The following CNTN5 variants were observed in gnomAD, a reference collection of about 807,000 sequenced individuals.
CNTN5 encodes the protein contactin 5.
In CNTN5, 77 loss-of-function variants were observed where a neutral mutation model predicts 129.1. The ratio of observed to expected loss-of-function variants is 0.60; its 90% CI spans 0.50 to 0.72. The LOEUF (loss-of-function observed/expected upper bound fraction) is 0.72. Ranked by LOEUF, CNTN5 falls within the 30% of genes least tolerant of loss-of-function variation. The pLI is 0.00. For synonymous variants in CNTN5, 509 were observed against 465.6 expected, an observed-to-expected ratio of 1.09 and a Z score of -1.20; for missense variants, 1,478 against 1,328.8, an observed-to-expected ratio of 1.11 and a Z score of -1.75.
intron 9 of CNTN5, among the ~76,000 whole-genome samples, chr11:100,012,141 G>C (rs1940568359): frequency 6.6e-6 from 1 of 152,112 alleles, no homozygotes; most frequent in Non-Finnish European, 1.5e-5. Context: ...AAACATTTAG[G>C]CCTCACAGGA....
chr11:99,694,216 A>G (rs1292455187), intron 3 of CNTN5, among the ~76,000 whole-genome samples: 1 of 152,120 alleles, frequency 6.6e-6, no homozygotes, highest in African/African-American at 2.4e-5. Flanking sequence ...TTCGTGCTAT[A>G]CTTCAGGGCT....
intron 3 of CNTN5, among the ~76,000 whole-genome samples, chr11:99,775,001 G>A (rs1472911191): frequency 6.6e-6 from 1 of 151,994 alleles, no homozygotes; most frequent in African/African-American, 2.4e-5. Flanking sequence ...TCAGGTCTGT[G>A]GACCTGAATA....
At chr11:99,734,599 A>G (rs763214553) in intron 3 of CNTN5, among the ~76,000 whole-genome samples, 2 of 152,172 alleles carry the variant, frequency 1.3e-5, no homozygotes, top group Non-Finnish European at 2.9e-5. Flanking sequence ...TTTGCCTCAA[A>G]AACAGACTTC....
At chr11:99,825,843 A>G (rs534751481) in intron 4 of CNTN5, among the ~76,000 whole-genome samples, 47 of 152,242 alleles carry the variant, frequency 3.1e-4, no homozygotes, top group Non-Finnish European at 5.0e-4. Context: ...ACTTTCTAAA[A>G]GTAAATTTAT....
intron 2 of CNTN5, among the ~76,000 whole-genome samples, chr11:99,455,134 C>T (rs1049422622): frequency 6.6e-6 from 1 of 152,044 alleles, no homozygotes; most frequent in Non-Finnish European, 1.5e-5. Context: ...GAAGCAAATG[C>T]AAATCCTCTC....
chr11:99,569,464 C>T (rs543161955), intron 3 of CNTN5, among the ~76,000 whole-genome samples: 270 of 152,250 alleles, frequency 1.8e-3, no homozygotes, highest in Non-Finnish European at 3.3e-3. Context: ...CAGGTGTGCA[C>T]CACCATGCCT....
rs377051291 is a variant in CNTN5, at chr11:99,496,231, G to A, written c.-70-59914G>A. On this transcript the variant is annotated intron_variant, in intron 2 of 24. Transcript: ENST00000524871. ...GAGGTCACACTCTGTGAAGTTTAAC[G>A]TTTAAGTGATGTGTCAAAGACTAGG... Among the ~76,000 whole-genome samples, 7 of 152,186 alleles carry A rather than the reference G, an allele frequency of 4.6e-5. No homozygotes were observed. In the South Asian group the frequency reaches 1.0e-3, roughly 23 times the overall value.
rs185057872 is a variant in CNTN5, at chr11:99,671,721, C to A, written c.55+115452C>A. Among the ~76,000 whole-genome samples, 208 of 152,140 alleles carry A rather than the reference C, an allele frequency of 1.4e-3. 1 individual carries two copies. Among genetic ancestry groups the A allele is most frequent in the Non-Finnish European group, 1.2e-3 (79 of 67,992 alleles). On this transcript the variant is annotated intron_variant, in intron 3 of 24. Coordinates refer to ENST00000524871, the MANE Select transcript of CNTN5 (RefSeq NM_014361.4). The stretch of plus-strand genomic sequence containing the variant: ...CTCTGAAGTGTCCCACAAAATTCTT[C>A]AGAATTAATCTATTACATTTTTTGA...
chr11:100,282,107 C>A (rs1950653706), intron 18 of CNTN5, among the ~76,000 whole-genome samples: 1 of 150,812 alleles, frequency 6.6e-6, no homozygotes, highest in Admixed American at 6.6e-5. Flanking sequence ...ATATTTGGTT[C>A]ATTTGCTGAA....
chr11:99,814,459 A>G (rs1946519960), intron 3 of CNTN5, among the ~76,000 whole-genome samples: 1 of 152,212 alleles, frequency 6.6e-6, no homozygotes, highest in African/African-American at 2.4e-5. Context: ...GGAATCTCAC[A>G]AAGCCCACTG....
At chr11:99,530,185 A>C (rs1472710646) in intron 2 of CNTN5, among the ~76,000 whole-genome samples, 1 of 152,202 alleles carries the variant, frequency 6.6e-6, no homozygotes, top group Non-Finnish European at 1.5e-5. Flanking sequence ...TATGATCTTC[A>C]GATACCCTAA....
chr11:99,232,720 A>G (rs767718875), intron 1 of CNTN5, among the ~76,000 whole-genome samples: 3 of 152,194 alleles, frequency 2.0e-5, no homozygotes, highest in Non-Finnish European at 2.9e-5. Context: ...TATAATTTCA[A>G]TTAGTAATTG....
chr11:99,997,310 G>C (rs1264150929), intron 8 of CNTN5, among the ~76,000 whole-genome samples: 1 of 152,156 alleles, frequency 6.6e-6, no homozygotes, highest in South Asian at 2.1e-4. Context: ...TGCTTTTCTA[G>C]TTATTTTAAT....
chr11:99,626,208 T>G (rs1258242418), intron 3 of CNTN5, among the ~76,000 whole-genome samples: 1 of 151,984 alleles, frequency 6.6e-6, no homozygotes, highest in Non-Finnish European at 1.5e-5. Context: ...GGGGATTAAT[T>G]CAGCCTGATG....
intron 1 of CNTN5, among the ~76,000 whole-genome samples, chr11:99,031,730 C>G (rs2135092157): frequency 6.6e-6 from 1 of 150,722 alleles, no homozygotes; most frequent in East Asian, 1.9e-4. Flanking sequence ...GATAATAGTT[C>G]TTAAGATCTA....
At chr11:99,994,299 T>C (rs567707516) in intron 8 of CNTN5, among the ~76,000 whole-genome samples, 3 of 142,036 alleles carry the variant, frequency 2.1e-5, no homozygotes, top group African/African-American at 8.1e-5. Context: ...ATGTAGATTC[T>C]GAAGAGCCTA....
intron 3 of CNTN5, among the ~76,000 whole-genome samples, chr11:99,580,479 A>G (rs61054749): frequency 6.6e-6 from 1 of 151,976 alleles, no homozygotes. Flanking sequence ...TTTGGTTGGT[A>G]ATCTATTAAT....
intron 1 of CNTN5, among the ~76,000 whole-genome samples, chr11:99,207,106 T>C (rs1055888247): frequency 6.6e-6 from 1 of 152,128 alleles, no homozygotes; most frequent in Non-Finnish European, 1.5e-5. Flanking sequence ...TATTTGCTCT[T>C]CGAAAATTTA....
chr11:99,517,223 T>G (rs1947090950), intron 2 of CNTN5, among the ~76,000 whole-genome samples: 1 of 152,132 alleles, frequency 6.6e-6, no homozygotes, highest in African/African-American at 2.4e-5. Flanking sequence ...TAACCGGTCA[T>G]CAAGCTCTAT....
Sources: gnomAD v4.1 joint callset for allele counts (sites outside exome capture counted in the v4.1 genomes callset) on GRCh38, gnomAD v4.1.1 for gene constraint, MANE v1.5 for transcripts, NCBI Gene and HGNC (gene_info 2026-07-23, HGNC 2026-07-21) for gene names.